The following CAND1 variants were observed in gnomAD, a reference collection of about 807,000 sequenced individuals.
CAND1 encodes cullin-associated NEDD8-dissociated protein 1.
Under a neutral mutation model 108.5 loss-of-function variants are expected in CAND1, and 7 were observed. The ratio of observed to expected loss-of-function variants is 0.06; its 90% CI spans 0.04 to 0.12. CAND1 has a LOEUF of 0.12. CAND1 is among the 10% of genes least tolerant of loss of function. The pLI is 1.00. For synonymous variants in CAND1, 534 were observed against 512.0 expected (o/e 1.04, Z -0.58); for missense variants, 941 against 1,448.7 (o/e 0.65, Z 5.69).
intron 1 of CAND1, among the ~76,000 whole-genome samples, chr12:67,272,219 A>C (rs1434073158): frequency 2.0e-5 from 3 of 152,248 alleles, no homozygotes; most frequent in Non-Finnish European, 4.4e-5. Context: ...CAAAATGAAG[A>C]GCAAATTTTA....
chr12:67,314,936 C>T lies in CAND1; in HGVS notation c.*2106C>T, dbSNP rs1419895862. On this transcript the variant is annotated 3_prime_UTR_variant, in exon 15 of 15. Transcript: ENST00000545606. Reference sequence around the variant, plus strand: ...TGTCATACTGATGATTAACTCCATACTCCTAGTGGTGATGTGGTCCAGATA... The same window carrying T: ...TGTCATACTGATGATTAACTCCATATTCCTAGTGGTGATGTGGTCCAGATA... 6.6e-6 allele frequency: 1 copy of T among 152,200 alleles called. No individual in the cohort carries two copies. Among genetic ancestry groups the T allele is most frequent in the East Asian group, 1.9e-4 (1 of 5,202 alleles). The allele number at this position is 152,200 out of a possible 1,614,324, so 9.4% of individuals were successfully genotyped here. A position where few individuals can be genotyped will look rare whatever the true frequency, so the allele number is the denominator to read the frequency against.
Position 67,305,359 on chromosome 12 carries a change from A to T in CAND1, c.1691A>T (p.Tyr564Phe). 6.2e-7 allele frequency: 1 copy of T among 1,614,144 alleles called. No homozygotes were observed. ...DQPSSFDATP[Y>F]IKDLFTCTIK... ...CCTTCCTCGTTTGATGCAACTCCTTATATCAAAGATCTATTTACCTGTACC... is the reference window on the plus strand; with the variant it reads ...CCTTCCTCGTTTGATGCAACTCCTTTTATCAAAGATCTATTTACCTGTACC... The change falls in exon 10 of 15, where the codon TAT becomes TTT. Residue 564 changes from tyrosine to phenylalanine, a missense_variant. By Grantham distance (22) the Tyr-to-Phe change is conservative (BLOSUM62 3). This residue lies in a region of CAND1 where 697 missense variants were observed against 942.0 expected (regional missense o/e 0.74). Transcript: ENST00000545606. This position sits in a 1 kb window ranked among gnomAD's most constrained non-coding sequence, Gnocchi z 4.4.
chr12:67,297,913 G>A, intron 6 of CAND1, 60 bp downstream of exon 6: 2 of 923,020 alleles, frequency 2.2e-6, no homozygotes, highest in South Asian at 3.1e-5. Context: ...AGAATCATAA[G>A]GTCTACATTA....
chr12:67,317,669 G>A lies in CAND1; in HGVS notation c.*4839G>A, dbSNP rs2045022257. On this transcript the variant is annotated 3_prime_UTR_variant, in exon 15 of 15. Transcript: ENST00000545606. ...AGCTAATTTTTGTATTTTTAGTAGA[G>A]ATGGAGTTTTGCCATGTTGGCCAGG... 6.6e-6 allele frequency: 1 copy of A among 152,036 alleles called. No homozygotes were observed. Among genetic ancestry groups the A allele is most frequent in the Admixed American group, 6.6e-5 (1 of 15,252 alleles). 9.4% of individuals were successfully genotyped at this position (152,036 alleles called of 1,614,324 possible).
intron 1 of CAND1, chr12:67,270,204 G>C (rs1246930613): frequency 1.8e-5 from 3 of 169,868 alleles, no homozygotes; most frequent in Non-Finnish European, 3.8e-5. Flanking sequence ...CGCCTTGCTC[G>C]CTGGGGCCCA....
intron 3 of CAND1, chr12:67,292,985 T>G (rs2044736112): frequency 2.0e-6 from 1 of 493,194 alleles, no homozygotes; most frequent in African/African-American, 2.0e-5. Context: ...TGAACTTGTA[T>G]GTAATATGAA....
Position 67,285,966 on chromosome 12 carries a change from TAC to T in CAND1, c.212+3915_212+3916del, listed in dbSNP as rs540681148. Among the ~76,000 whole-genome samples the T allele has an allele frequency of 3.3e-5, 5 of 152,332 alleles. No individual in the cohort carries two copies. In the South Asian group the frequency reaches 1.0e-3, roughly 32 times the overall value. On this transcript the variant is annotated intron_variant, in intron 2 of 14. Coordinates refer to ENST00000545606, the MANE Select transcript of CAND1 (RefSeq NM_018448.5). ...ATAAATATACAGTGAACGTTTCGTG[TAC>T]AAGTCCCTTTTAGGACATGTGTCTT... is the stretch of plus-strand genomic sequence containing the variant.
intron 10 of CAND1, among the ~76,000 whole-genome samples, chr12:67,306,920 A>G (rs1207356986): frequency 1.3e-5 from 2 of 152,166 alleles, no homozygotes; most frequent in Non-Finnish European, 2.9e-5. Context: ...TGTTGATACT[A>G]ATTACAATAA....
At position 67,292,533 on chromosome 12, in the gene CAND1, A is replaced by G. The variant is rs2044732202; in HGVS notation, c.213-89A>G. On this transcript the variant is annotated intron_variant, in intron 2 of 14. Coordinates refer to ENST00000545606, the MANE Select transcript of CAND1 (RefSeq NM_018448.5). The stretch of plus-strand genomic sequence containing the variant: ...GTATATACTTTATCTTGAAAGTTCT[A>G]GGCGGAAAGGTTAACATTTCTACTT... The G allele has an allele frequency of 4.7e-6, 4 of 844,334 alleles. No individual in the cohort carries two copies. In the Admixed American group the frequency reaches 9.3e-5, roughly 20 times the overall value. 52.3% of individuals were successfully genotyped at this position (844,334 alleles called of 1,614,324 possible).
At chr12:67,274,820 A>T (rs545019003) in intron 1 of CAND1, among the ~76,000 whole-genome samples, 1 of 152,180 alleles carries the variant, frequency 6.6e-6, no homozygotes, top group African/African-American at 2.4e-5. Flanking sequence ...AAATGCTTGT[A>T]AAAAAAACTC....
intron 8 of CAND1, 38 bp from the exon 9 acceptor site, chr12:67,304,567 A>G (rs771906037): frequency 1.2e-6 from 2 of 1,602,386 alleles, no homozygotes; most frequent in Non-Finnish European, 1.7e-6. Context: ...AGGAAATACC[A>G]ACAGCTGAAC....
chr12:67,308,417 T>TA (rs1247560057), intron 11 of CAND1, among the ~76,000 whole-genome samples: 2 of 152,122 alleles, frequency 1.3e-5, no homozygotes, highest in African/African-American at 4.8e-5. Context: ...TCTGCTTTGA[T>TA]ATGTTTATTG....
At chr12:67,281,441 A>C (rs2044619301) in intron 1 of CAND1, among the ~76,000 whole-genome samples, 1 of 152,204 alleles carries the variant, frequency 6.6e-6, no homozygotes, top group East Asian at 1.9e-4. Flanking sequence ...TTGTTTTGAA[A>C]GTGTTCTTAA....
intron 14 of CAND1, 52 bp from the exon 15 acceptor site, chr12:67,312,554 A>C: frequency 8.0e-7 from 1 of 1,244,024 alleles, no homozygotes; most frequent in Non-Finnish European, 1.1e-6. Flanking sequence ...AATTTTGTTC[A>C]TGTAAGAGCT....
At chr12:67,292,910 A>G in intron 3 of CAND1, 134 bp downstream of exon 3, 1 of 730,292 alleles carries the variant, frequency 1.4e-6, no homozygotes, top group Non-Finnish European at 2.3e-6. Flanking sequence ...CCTTTGGACA[A>G]TTAAGAAAAT....
In CAND1 at chr12:67,312,844, A is replaced by G. The variant is rs770664258; in HGVS notation, c.*14A>G. ...GACACTAGTTAGATGTTTGTTCACC[A>G]TGGGGACCATTACATATGACCATAC... On this transcript the variant is annotated 3_prime_UTR_variant, in exon 15 of 15. Transcript: ENST00000545606. 6.6e-7 allele frequency: 1 copy of G among 1,520,536 alleles called. No homozygotes were observed. The highest frequency in any genetic ancestry group is 9.1e-7 in the Non-Finnish European group (1 of 1,101,400). 94.2% of individuals were successfully genotyped at this position (1,520,536 alleles called of 1,614,324 possible).
At chr12:67,295,396 G>A (rs537534927) in intron 4 of CAND1, among the ~76,000 whole-genome samples, 8 of 152,218 alleles carry the variant, frequency 5.3e-5, no homozygotes, top group African/African-American at 1.9e-4. Context: ...AATAAAATTT[G>A]TGATTTTAAA....
intron 2 of CAND1, among the ~76,000 whole-genome samples, chr12:67,285,954 GA>G (rs1169033207): frequency 2.6e-5 from 4 of 152,144 alleles, no homozygotes; most frequent in Non-Finnish European, 5.9e-5. Context: ...AATATACAGT[GA>G]ACGTTTCGTG....
At position 67,314,200 on chromosome 12, in the gene CAND1, A is replaced by G. The variant is rs771832225; in HGVS notation, c.*1370A>G. ...GAGGCAGTTGTTAAATTGAGTGACC[A>G]ATTTAAGCAATCAGATATTTGAAAA... On this transcript the variant is annotated 3_prime_UTR_variant, in exon 15 of 15. Coordinates refer to ENST00000545606, the MANE Select transcript of CAND1 (RefSeq NM_018448.5). The G allele has an allele frequency of 1.3e-5, 2 of 152,174 alleles. No individual in the cohort carries two copies. The highest frequency in any genetic ancestry group is 2.9e-5 in the Non-Finnish European group (2 of 68,004). The allele number at this position is 152,174 out of a possible 1,614,324, so 9.4% of individuals were successfully genotyped here. A position where few individuals can be genotyped will look rare whatever the true frequency, so the allele number is the denominator to read the frequency against.
Sources: allele counts gnomAD v4.1 joint callset (sites outside exome capture counted in the v4.1 genomes callset), GRCh38; gene constraint gnomAD v4.1.1; regional missense constraint gnomAD v4.1.1; non-coding constraint Gnocchi (gnomAD v3.1); transcripts MANE v1.5; gene names NCBI Gene and HGNC (gene_info 2026-07-23, HGNC 2026-07-21).